The following MEAK7 variants were observed in gnomAD, a reference collection of about 807,000 sequenced individuals.
MEAK7 encodes MTOR associated protein MEAK7, also known as MTOR-associated protein MEAK7.
Under a neutral mutation model 40.5 loss-of-function variants are expected in MEAK7, and 68 were observed. The observed-to-expected ratio is 1.68, with a 90% CI of 1.38 to 2.06. The LOEUF is 2.06. Among genes scored for constraint, MEAK7 ranks in the 30% most tolerant of loss-of-function variants. MEAK7 has a pLI of 0.00. For synonymous variants in MEAK7, 338 were observed against 231.9 expected, an observed-to-expected ratio of 1.46 and a Z score of -4.16; for missense variants, 918 against 580.5, an observed-to-expected ratio of 1.58 and a Z score of -5.98.
intron 3 of MEAK7, among the ~76,000 whole-genome samples, chr16:84,491,814 G>C (rs9939064): frequency 0.38 from 57,371 of 149,244 alleles, 11,993 homozygotes; most frequent in Middle Eastern, 0.49. Context: ...TCCAGCCTCG[G>C]TGAAGGCGCA....
rs769544375 is a variant in MEAK7, at chr16:84,477,822, C to T, written c.*2091G>A. The T allele has an allele frequency of 6.6e-6, 1 of 152,188 alleles. No individual in the cohort carries two copies. The highest frequency in any genetic ancestry group is 6.5e-5 in the Admixed American group (1 of 15,274). 9.4% of individuals were successfully genotyped at this position (152,188 alleles called of 1,614,324 possible). A position where few individuals can be genotyped will look rare whatever the true frequency, so the allele number is the denominator to read the frequency against. On this transcript the variant is annotated 3_prime_UTR_variant, in exon 8 of 8. Transcript: ENST00000343629. ...GAGTGTCCAGAGGCAGAACCGTGCA[C>T]CAAGAGAAGCCCACAGAGAGAGCTG...
Position 84,480,662 on chromosome 16 carries a change from T to C in MEAK7, c.1124A>G (p.Asp375Gly), listed in dbSNP as rs1408738385. Residue 375 changes from aspartate to glycine, a missense_variant, in exon 7 of 8, where the codon GAT becomes GGT. Coordinates refer to ENST00000343629, the MANE Select transcript of MEAK7 (RefSeq NM_020947.4). ...GGCTCTGCTGTGTCCTTTCCCAAAA[T>C]CAACATCCACCCAAAGCCCAAAGTA... ...HNYFGLWVDV[D>G]FGKGHSRAKP... 3.1e-6 allele frequency: 5 copies of C among 1,613,804 alleles called. No homozygotes were observed. Among genetic ancestry groups the C allele is most frequent in the Non-Finnish European group, 4.2e-6 (5 of 1,179,872 alleles).
At position 84,479,882 on chromosome 16, in the gene MEAK7, G is replaced by C. The variant is rs761007751; in HGVS notation, c.*31C>G. On this transcript the variant is annotated 3_prime_UTR_variant, in exon 8 of 8. Transcript: ENST00000343629. ...TTGCCCTCTACCCAGAGGAATCCAG[G>C]TCCTGGCTCCAGGAAGGCTCAGGCG... 1.9e-6 allele frequency: 3 copies of C among 1,549,334 alleles called. No individual in the cohort carries two copies. The highest frequency in any genetic ancestry group is 8.8e-7 in the Non-Finnish European group (1 of 1,135,548).
chr16:84,486,924 C>A lies in MEAK7; in HGVS notation c.665G>T (p.Cys222Phe). Residue 222 changes from cysteine (C) to phenylalanine (F), a missense_variant, in exon 5 of 8, where the codon TGC (cysteine) becomes TTC (phenylalanine). Transcript: ENST00000343629. ...CAGGGTAGTCAGATCAAGAGACGAGCACAGGATGAGAAAGCCCTTGCAAAT... is the reference window on the plus strand; with the variant it reads ...CAGGGTAGTCAGATCAAGAGACGAGAACAGGATGAGAAAGCCCTTGCAAAT... ...VVICKGFLIL[C>F]SSLDLTTLVP... The A allele has an allele frequency of 6.2e-7, 1 of 1,614,178 alleles. No individual in the cohort carries two copies. Among genetic ancestry groups the A allele is most frequent in the Non-Finnish European group, 8.5e-7 (1 of 1,180,036 alleles).
At chr16:84,498,368 G>A (rs1341435393) in intron 1 of MEAK7, among the ~76,000 whole-genome samples, 4 of 152,042 alleles carry the variant, frequency 2.6e-5, no homozygotes, top group African/African-American at 7.2e-5. Context: ...TCCTGGGCTC[G>A]GGCAATCCTC....
intron 1 of MEAK7, chr16:84,503,893 C>T (rs559408546): frequency 1.0e-6 from 1 of 977,810 alleles, no homozygotes; most frequent in Admixed American, 6.2e-5. Flanking sequence ...ACCCTGGCTG[C>T]CAAGCTCCAA....
At chr16:84,504,527 T>A in intron 1 of MEAK7, 74 bp downstream of exon 1, 2 of 919,016 alleles carry the variant, frequency 2.2e-6, no homozygotes, top group East Asian at 1.2e-4. Context: ...TGGACCCGTC[T>A]GCTCCAGTCC....
intron 3 of MEAK7, among the ~76,000 whole-genome samples, chr16:84,493,106 T>C (rs1387733852): frequency 6.6e-6 from 1 of 152,236 alleles, no homozygotes; most frequent in Non-Finnish European, 1.5e-5. Flanking sequence ...GTTATTAGTA[T>C]GTGTTCCAAA....
At position 84,497,937 on chromosome 16, in the gene MEAK7, T is replaced by C. The variant is rs762959927; in HGVS notation, c.150A>G (p.Leu50=). The C allele has an allele frequency of 3.7e-6, 6 of 1,614,224 alleles. No homozygotes were observed. The highest frequency in any genetic ancestry group is 2.2e-5 in the South Asian group (2 of 91,080). The change falls in exon 2 of 8, where the codon CTA becomes CTG. Residue 50 remains leucine, a synonymous_variant. Coordinates refer to ENST00000343629, the MANE Select transcript of MEAK7 (RefSeq NM_020947.4). ...VSSKSFSLKA[L]QNHVGEALPP... is the part of the protein sequence containing the mutation. ...AACCACGGGTTGTTACTCTTGCCTG[T>C]AGTGCCTTCAGAGAGAAGGATTTGG...
At chr16:84,483,591 G>T (rs938756682) in intron 5 of MEAK7, among the ~76,000 whole-genome samples, 1 of 152,184 alleles carries the variant, frequency 6.6e-6, no homozygotes, top group Non-Finnish European at 1.5e-5. Context: ...ATAAGAAGGG[G>T]GCACCAAGAC....
chr16:84,483,875 G>A (rs1393958025), intron 5 of MEAK7, among the ~76,000 whole-genome samples: 2 of 152,198 alleles, frequency 1.3e-5, no homozygotes, highest in African/African-American at 2.4e-5. Context: ...ATCGGGTGGA[G>A]GAAGGAGGAT....
intron 7 of MEAK7, 35 bp downstream of exon 7, chr16:84,480,494 G>A: frequency 6.4e-7 from 1 of 1,551,076 alleles, no homozygotes; most frequent in Non-Finnish European, 8.7e-7. Flanking sequence ...AGGCTCAAGG[G>A]GCCATCCTGG....
chr16:84,498,339 G>T (rs932183336), intron 1 of MEAK7, among the ~76,000 whole-genome samples: 1 of 152,076 alleles, frequency 6.6e-6, no homozygotes, highest in African/African-American at 2.4e-5. Flanking sequence ...TGCCATCACA[G>T]CTCCCTGCAG....
chr16:84,504,531 C>G, intron 1 of MEAK7, 70 bp downstream of exon 1: 1 of 941,256 alleles, frequency 1.1e-6, no homozygotes, highest in Non-Finnish European at 1.3e-6. Context: ...CCCGTCTGCT[C>G]CAGTCCCCCG....
chr16:84,482,089 C>T (rs1312653051), intron 6 of MEAK7, among the ~76,000 whole-genome samples: 1 of 152,184 alleles, frequency 6.6e-6, no homozygotes, highest in Non-Finnish European at 1.5e-5. Context: ...TCCCTGCACC[C>T]GGCCTAGGCC....
chr16:84,499,668 C>T (rs1411021968), intron 1 of MEAK7, among the ~76,000 whole-genome samples: 1 of 152,164 alleles, frequency 6.6e-6, no homozygotes, highest in East Asian at 1.9e-4. Context: ...CTCATTCCTC[C>T]CTCCCACATG....
chr16:84,482,884 G>A (rs1335514372), intron 5 of MEAK7, among the ~76,000 whole-genome samples, 174 bp from the exon 6 acceptor site: 2 of 152,220 alleles, frequency 1.3e-5, no homozygotes, highest in Admixed American at 6.5e-5. Context: ...CCAGGTGGAT[G>A]AGCTGGGGAT....
intron 5 of MEAK7, among the ~76,000 whole-genome samples, chr16:84,483,268 A>G (rs1324637061): frequency 6.6e-6 from 1 of 152,240 alleles, no homozygotes; most frequent in Admixed American, 6.5e-5. Flanking sequence ...CCATTAAAAG[A>G]AAGGTACCAG....
At position 84,486,925 on chromosome 16, in the gene MEAK7, A is replaced by C. The variant is rs779038054; in HGVS notation, c.664T>G (p.Cys222Gly). 1.2e-6 allele frequency: 2 copies of C among 1,614,202 alleles called. No homozygotes were observed. Among genetic ancestry groups the C allele is most frequent in the East Asian group, 4.5e-5 (2 of 44,876 alleles). Residue 222 changes from cysteine (C) to glycine (G), a missense_variant, in exon 5 of 8, where the codon TGC becomes GGC. Transcript: ENST00000343629. ...AGGGTAGTCAGATCAAGAGACGAGC[A>C]CAGGATGAGAAAGCCCTTGCAAATG... Reference protein sequence around the residue: ...VVICKGFLILCSSLDLTTLVP... With the variant: ...VVICKGFLILGSSLDLTTLVP...
Sources: allele counts gnomAD v4.1 joint callset (sites outside exome capture counted in the v4.1 genomes callset), GRCh38; gene constraint gnomAD v4.1.1; transcripts MANE v1.5; gene names NCBI Gene and HGNC (gene_info 2026-07-23, HGNC 2026-07-21).